The following AKAP14 variants were observed in gnomAD, a reference collection of about 807,000 sequenced individuals.
AKAP14 encodes the protein A-kinase anchor protein 14.
Under a neutral mutation model 17.0 loss-of-function variants are expected in AKAP14, and 4 were observed. The ratio of observed to expected loss-of-function variants is 0.23; its 90% CI spans 0.12 to 0.54. The LOEUF is 0.54. Among genes scored for constraint, AKAP14 ranks in the 20% least tolerant of loss-of-function variants. The pLI is 0.95. For missense variants in AKAP14, 129 were observed against 150.9 expected (o/e 0.85, Z 0.76); for synonymous variants, 42 against 51.3 (o/e 0.82, Z 0.77).
In AKAP14 at chrX:119,903,333, C is replaced by T. The variant is rs2056578810; in HGVS notation, c.110C>T (p.Thr37Ile). 8.3e-7 allele frequency: 1 copy of T among 1,210,603 alleles called. No individual in the cohort carries two copies. Among genetic ancestry groups the T allele is most frequent in the Non-Finnish European group, 1.1e-6 (1 of 895,417 alleles). The change falls in exon 3 of 7, where the codon ACT becomes ATT. Residue 37 changes from threonine to isoleucine, a missense_variant. Physicochemically the swap from Thr to Ile is moderately conservative, Grantham distance 89. Coordinates refer to ENST00000371431, the MANE Select transcript of AKAP14 (RefSeq NM_178813.6). Reference sequence around the variant, plus strand: ...GACAAGAACTACGAGGATGAATTGACTCAAGTAGCTCTAGCTCTGGTTGAG... The same window carrying T: ...GACAAGAACTACGAGGATGAATTGATTCAAGTAGCTCTAGCTCTGGTTGAG... ...TQDKNYEDEL[T>I]QVALALVEDV...
intron 2 of AKAP14, among the ~76,000 whole-genome samples, chrX:119,901,905 A>C (rs966636967): frequency 2.0e-4 from 21 of 104,920 alleles, no homozygotes; most frequent in Non-Finnish European, 4.1e-4. Flanking sequence ...GCTACTCGGG[A>C]GGCTGAAGCA....
In AKAP14 at chrX:119,908,981, G is replaced by A. The variant is rs184250294; in HGVS notation, c.261+5395G>A. Among the ~76,000 whole-genome samples, 6 of 111,131 alleles carry A rather than the reference G, an allele frequency of 5.4e-5. No homozygotes were observed. The East Asian group carries it at 1.1e-3, about 21-fold the overall frequency. The stretch of plus-strand genomic sequence containing the variant: ...TAGTGGGGTGGAGAAAGCACTGAGC[G>A]GGCTGCTCAGGAGTCCTGGGTACCA... On this transcript the variant is annotated intron_variant, in intron 4 of 6. Coordinates refer to ENST00000371431, the MANE Select transcript of AKAP14 (RefSeq NM_178813.6).
intron 2 of AKAP14, among the ~76,000 whole-genome samples, chrX:119,900,803 C>G (rs1426719106): frequency 8.9e-6 from 1 of 112,203 alleles, no homozygotes; most frequent in Non-Finnish European, 1.9e-5. Flanking sequence ...TCCCGAAGTG[C>G]TGGGATTACA....
chrX:119,912,296 T>C (rs144712891), intron 4 of AKAP14, among the ~76,000 whole-genome samples: 31 of 111,017 alleles, frequency 2.8e-4, no homozygotes, highest in Non-Finnish European at 4.7e-4. Flanking sequence ...AAAATAACTC[T>C]GGCTTCATTG....
At chrX:119,906,225 C>CTTTTTT (rs10637499) in intron 4 of AKAP14, among the ~76,000 whole-genome samples, 4 of 50,886 alleles carry the variant, frequency 7.9e-5, no homozygotes, top group African/African-American at 1.8e-4. Context: ...CCTGGCATTT[C>CTTTTTT]TTTTTTTTTT....
intron 2 of AKAP14, among the ~76,000 whole-genome samples, chrX:119,902,018 TCAAA>T (rs201439791): frequency 0.042 from 4,527 of 107,845 alleles, 96 homozygotes; most frequent in East Asian, 0.13. Flanking sequence ...AAACTCTGAC[TCAAA>T]CAAACAAACA....
intron 5 of AKAP14, among the ~76,000 whole-genome samples, chrX:119,919,097 G>A (rs1034642311): frequency 1.8e-5 from 2 of 111,914 alleles, no homozygotes; most frequent in Non-Finnish European, 3.8e-5. Flanking sequence ...AGGGGAACAA[G>A]ACTACACCAG....
chrX:119,920,029 G>A (rs950111400), intron 6 of AKAP14, 66 bp downstream of exon 6: 10 of 1,075,605 alleles, frequency 9.3e-6, no homozygotes, highest in Non-Finnish European at 1.3e-5. Flanking sequence ...CAGGAATCCA[G>A]CAGTTGCGCA....
In AKAP14 at chrX:119,903,476, T is replaced by A. The variant is rs1221190984; in HGVS notation, c.170-19T>A. 8.3e-7 allele frequency: 1 copy of A among 1,211,769 alleles called. No homozygotes were observed. The highest frequency in any genetic ancestry group is 3.0e-5 in the East Asian group (1 of 33,868). On this transcript the variant is annotated intron_variant, in intron 3 of 6. Transcript: ENST00000371431. Reference sequence around the variant, plus strand: ...CCACACTACCTGGCAACTAACGAACTCACACCTTTTTTTTGCAGAGGAGCG... The same window carrying A: ...CCACACTACCTGGCAACTAACGAACACACACCTTTTTTTTGCAGAGGAGCG...
rs189364690 is a variant in AKAP14, at chrX:119,912,229, G to A, written c.262-2470G>A. Among the ~76,000 whole-genome samples the A allele has an allele frequency of 1.7e-3, 190 of 110,369 alleles. 1 individual carries two copies. Among genetic ancestry groups the A allele is most frequent in the African/African-American group, 5.9e-3 (179 of 30,500 alleles). ...TACAGGCGTGAGCCACTAAGCTTGCGCCCGGCCCACGGGAGGTTTTTGAGC... is the reference window on the plus strand; with the variant it reads ...TACAGGCGTGAGCCACTAAGCTTGCACCCGGCCCACGGGAGGTTTTTGAGC... On this transcript the variant is annotated intron_variant, in intron 4 of 6. Transcript: ENST00000371431.
At position 119,900,022 on chromosome X, in the gene AKAP14, G is replaced by A. The variant is rs746042021; in HGVS notation, c.-10-3192G>A. Among the ~76,000 whole-genome samples, 29 of 110,806 alleles carry A rather than the reference G, an allele frequency of 2.6e-4. 1 individual carries two copies. In the South Asian group the frequency reaches 9.9e-3, roughly 38 times the overall value. On this transcript the variant is annotated intron_variant, in intron 2 of 6. Coordinates refer to ENST00000371431, the MANE Select transcript of AKAP14 (RefSeq NM_178813.6). ...CGGCTCACTGCAACCTCTGCCTCCC[G>A]GGTTCAAGCAATTCTCCTGCCTCAG...
intron 4 of AKAP14, among the ~76,000 whole-genome samples, chrX:119,909,535 T>TAAA (rs59646125): frequency 1.3e-5 from 1 of 75,737 alleles, no homozygotes; most frequent in Non-Finnish European, 2.7e-5. Flanking sequence ...CTCAAAAACA[T>TAAA]AAAAAAAAAA....
intron 2 of AKAP14, among the ~76,000 whole-genome samples, chrX:119,900,531 C>G (rs776438316): frequency 2.2e-4 from 25 of 111,886 alleles, no homozygotes; most frequent in Admixed American, 6.7e-4. Context: ...CCGTGCCTGG[C>G]CATGTTTTTT....
intron 4 of AKAP14, among the ~76,000 whole-genome samples, chrX:119,904,743 C>T (rs1486704322): frequency 9.0e-6 from 1 of 111,186 alleles, no homozygotes; most frequent in Non-Finnish European, 1.9e-5. Flanking sequence ...ATTAGCCAGG[C>T]GTGGTGCTGG....
At chrX:119,897,735 C>T (rs1028092004) in intron 2 of AKAP14, among the ~76,000 whole-genome samples, 4 of 111,595 alleles carry the variant, frequency 3.6e-5, no homozygotes, top group Non-Finnish European at 7.5e-5. Flanking sequence ...GGCAGATGAT[C>T]CTGTCTACCT....
chrX:119,903,066 C>G (rs2056576099), intron 2 of AKAP14, 148 bp from the exon 3 acceptor site: 1 of 515,550 alleles, frequency 1.9e-6, no homozygotes, highest in African/African-American at 2.3e-5. Flanking sequence ...ACAGGTCTGA[C>G]TCCTACCCTT....
At position 119,920,632 on chromosome X, in the gene AKAP14, T is replaced by A. The variant is rs1484720340; in HGVS notation, c.*25T>A. On this transcript the variant is annotated 3_prime_UTR_variant, in exon 7 of 7. Transcript: ENST00000371431. ...ATACTTACAGGATGTCTTAGGATTG[T>A]TTTTCTCATCAGGATACATTAAAAA... The A allele has an allele frequency of 9.1e-7, 1 of 1,101,916 alleles. No homozygotes were observed. Among genetic ancestry groups the A allele is most frequent in the Non-Finnish European group, 1.2e-6 (1 of 801,555 alleles). 90.8% of individuals were successfully genotyped at this position (1,101,916 alleles called of 1,213,427 possible). A position where few individuals can be genotyped will look rare whatever the true frequency, so the allele number is the denominator to read the frequency against.
chrX:119,908,376 C>T (rs1363389314), intron 4 of AKAP14, among the ~76,000 whole-genome samples: 2 of 109,897 alleles, frequency 1.8e-5, no homozygotes, highest in African/African-American at 6.6e-5. Context: ...TTGGTTCATT[C>T]TCTTCAGGAA....
At chrX:119,911,517 G>A (rs2051496988) in intron 4 of AKAP14, among the ~76,000 whole-genome samples, 1 of 110,976 alleles carries the variant, frequency 9.0e-6, no homozygotes, top group African/African-American at 3.3e-5. Flanking sequence ...CTGGTTGGAA[G>A]AGGGATCAGA....
Sources: allele counts gnomAD v4.1 joint callset (sites outside exome capture counted in the v4.1 genomes callset), GRCh38; gene constraint gnomAD v4.1.1; transcripts MANE v1.5; gene names NCBI Gene and HGNC (gene_info 2026-07-23, HGNC 2026-07-21).